Variants in GEMIN2 observed in about 807,000 individuals in gnomAD.
GEMIN2 encodes the protein gem-associated protein 2.
A neutral mutation model predicts 45.8 loss-of-function variants in GEMIN2; 37 were observed. The ratio of observed to expected loss-of-function variants is 0.81; its 90% confidence interval spans 0.62 to 1.06. GEMIN2 has a LOEUF of 1.06. Among genes scored for constraint, GEMIN2 ranks in the 50% least tolerant of loss-of-function variants. GEMIN2 has a pLI of 0.00. For synonymous variants in GEMIN2, 101 were observed against 111.5 expected (o/e 0.91, Z 0.60); for missense variants, 335 against 321.8 (o/e 1.04, Z -0.31).
intron 7 of GEMIN2, among the ~76,000 whole-genome samples, chr14:39,131,132 T>C (rs2052709974): frequency 6.6e-6 from 1 of 151,992 alleles, no homozygotes; most frequent in South Asian, 2.1e-4. Flanking sequence ...ACCCGGTCTC[T>C]ATTAAAAATA....
intron 7 of GEMIN2, among the ~76,000 whole-genome samples, chr14:39,129,112 G>C (rs1162186247): frequency 6.6e-6 from 1 of 152,138 alleles, no homozygotes; most frequent in East Asian, 1.9e-4. Flanking sequence ...GACAGAGTGA[G>C]ACCCTATCTT....
intron 1 of GEMIN2, 91 bp downstream of exon 1, chr14:39,114,566 C>A: frequency 1.0e-6 from 1 of 954,102 alleles, no homozygotes; most frequent in Non-Finnish European, 1.6e-6. Flanking sequence ...CAGTCTGTTG[C>A]GAGTTCAGGT....
intron 8 of GEMIN2, among the ~76,000 whole-genome samples, chr14:39,132,446 G>T (rs1044623390): frequency 2.0e-5 from 3 of 151,958 alleles, no homozygotes; most frequent in Non-Finnish European, 4.4e-5. Flanking sequence ...CAGGAGAATC[G>T]TTCGAACCCA....
rs1029498798 is a variant in GEMIN2, at chr14:39,136,434, T to A, written c.771-6T>A. On this transcript the variant is annotated splice_polypyrimidine_tract_variant and splice_region_variant and intron_variant, in intron 9 of 9. Transcript: ENST00000308317. The stretch of plus-strand genomic sequence containing the variant: ...ATACATAAATTTTTTGTTTTTTTTT[T>A]ACTAGGTATTTTGACCAACGTGATT... 8 of 1,458,192 alleles carry A rather than the reference T, an allele frequency of 5.5e-6. No individual in the cohort carries two copies. Among genetic ancestry groups the A allele is most frequent in the Middle Eastern group, 1.7e-4 (1 of 5,776 alleles). The allele number at this position is 1,458,192 out of a possible 1,614,324, so 90.3% of individuals were successfully genotyped here. A position where few individuals can be genotyped will look rare whatever the true frequency, so the allele number is the denominator to read the frequency against.
intron 4 of GEMIN2, among the ~76,000 whole-genome samples, chr14:39,120,093 CTT>C (rs1291026917): frequency 6.6e-6 from 1 of 152,046 alleles, no homozygotes; most frequent in Non-Finnish European, 1.5e-5. Context: ...AACATTATGA[CTT>C]GATAAAATTT....
At chr14:39,119,073 C>T (rs188292563) in intron 4 of GEMIN2, among the ~76,000 whole-genome samples, 1 of 152,100 alleles carries the variant, frequency 6.6e-6, no homozygotes. Context: ...CTGTACCCAG[C>T]CTTTCATGTC....
chr14:39,133,224 GATAA>G (rs941954453), intron 8 of GEMIN2, among the ~76,000 whole-genome samples: 5 of 146,036 alleles, frequency 3.4e-5, no homozygotes, highest in Admixed American at 7.0e-5. Flanking sequence ...TGACTACAGT[GATAA>G]ATATATTTAT....
chr14:39,128,755 C>T (rs1169502459), intron 7 of GEMIN2, among the ~76,000 whole-genome samples: 2 of 151,968 alleles, frequency 1.3e-5, no homozygotes, highest in African/African-American at 4.8e-5. Context: ...TGCCTCCTCA[C>T]CCTCCCAAAA....
chr14:39,124,929 TG>T, intron 5 of GEMIN2, 62 bp from the exon 6 acceptor site: 1 of 820,628 alleles, frequency 1.2e-6, no homozygotes, highest in Non-Finnish European at 2.1e-6. Context: ...TTCACCAGTT[TG>T]AAAAAAAAAA....
At chr14:39,124,923 C>G in intron 5 of GEMIN2, 69 bp from the exon 6 acceptor site, 1 of 760,902 alleles carries the variant, frequency 1.3e-6, no homozygotes, top group Middle Eastern at 2.5e-4. Context: ...AAGAAATTCA[C>G]CAGTTTGAAA....
intron 6 of GEMIN2, 114 bp from the exon 7 acceptor site, chr14:39,128,166 A>G: frequency 1.5e-6 from 1 of 667,164 alleles, no homozygotes; most frequent in Non-Finnish European, 2.6e-6. Flanking sequence ...AGTTTAAAGA[A>G]TGAGGCCATT....
At chr14:39,124,031 A>G (rs972246557) in intron 5 of GEMIN2, among the ~76,000 whole-genome samples, 3 of 151,960 alleles carry the variant, frequency 2.0e-5, no homozygotes, top group Non-Finnish European at 4.4e-5. Flanking sequence ...ATGAGCTATC[A>G]TGGCTAGCCA....
rs1351987198 is a variant in GEMIN2, at chr14:39,128,079, A to C, written c.532-201A>C. ...TGAGACTCTATCTCAAAAAAAAAAA[A>C]AAAAAAAAAAAAAAGCCTCATTGGA... On this transcript the variant is annotated intron_variant, in intron 6 of 9. Coordinates refer to ENST00000308317, the MANE Select transcript of GEMIN2 (RefSeq NM_003616.3). Among the ~76,000 whole-genome samples, 6 of 150,504 alleles carry C rather than the reference A, an allele frequency of 4.0e-5. 1 individual carries two copies. Among genetic ancestry groups the C allele is most frequent in the African/African-American group, 7.3e-5 (3 of 41,330 alleles).
At chr14:39,125,174 T>A (rs10131369) in intron 6 of GEMIN2, 138 bp downstream of exon 6, 58 of 557,074 alleles carry the variant, frequency 1.0e-4, no homozygotes, top group Non-Finnish European at 1.7e-4. Flanking sequence ...TATTTAATCC[T>A]TACTACAACC....
chr14:39,132,687 C>G (rs28386829), intron 8 of GEMIN2, among the ~76,000 whole-genome samples: 1 of 69,240 alleles, frequency 1.4e-5, no homozygotes, highest in African/African-American at 6.5e-5. Flanking sequence ...TTTTTTTTTT[C>G]TTTTATTGTG....
chr14:39,134,548 G>A (rs1452076249), intron 9 of GEMIN2, among the ~76,000 whole-genome samples: 7 of 151,930 alleles, frequency 4.6e-5, no homozygotes, highest in Non-Finnish European at 1.0e-4. Context: ...CTTAAATATT[G>A]GGAAGGCAAG....
At chr14:39,115,525 C>G (rs1314666158) in intron 2 of GEMIN2, among the ~76,000 whole-genome samples, 1 of 146,644 alleles carries the variant, frequency 6.8e-6, no homozygotes, top group African/African-American at 2.6e-5. Context: ...GGTGCGATCT[C>G]AGCTCACTGC....
chr14:39,117,924 T>C (rs2139333511), intron 2 of GEMIN2, 75 bp from the exon 3 acceptor site: 2 of 662,250 alleles, frequency 3.0e-6, no homozygotes, highest in South Asian at 3.9e-5. Flanking sequence ...TTGGTTTTAC[T>C]TTTGCTTTGC....
intron 5 of GEMIN2, among the ~76,000 whole-genome samples, chr14:39,123,708 A>ATATTT (rs1555333787): frequency 2.7e-5 from 1 of 37,688 alleles, no homozygotes; most frequent in African/African-American, 1.3e-4. Context: ...ATATATATAT[A>ATATTT]TTTTTTTTTT....
Sources: allele counts gnomAD v4.1 joint callset (sites outside exome capture counted in the v4.1 genomes callset), GRCh38; gene constraint gnomAD v4.1.1; transcripts MANE v1.5; gene names NCBI Gene and HGNC (gene_info 2026-07-23, HGNC 2026-07-21).